EPHB1: variants seen among roughly 807,000 people sequenced by gnomAD.
EPHB1 encodes the protein EPH receptor B1, also known as ephrin type-B receptor 1.
EPHB1 carries 30 observed loss-of-function variants against 94.4 expected under a neutral mutation model. That is an observed-to-expected ratio of 0.32 (90% confidence interval 0.24 to 0.43). The LOEUF (loss-of-function observed/expected upper bound fraction) is 0.43, where lower values mean the gene tolerates loss of function less well. Ranked by LOEUF, EPHB1 falls within the 20% of genes least tolerant of loss-of-function variation. The probability of loss-of-function intolerance (pLI) is 1.00; values close to 1 mark genes in which losing one functional copy is unlikely to be tolerated. For missense variants in EPHB1, 1,055 were observed against 1,308.3 expected (o/e 0.81, Z 2.99); for synonymous variants, 522 against 489.1 (o/e 1.07, Z -0.89).
At chr3:135,017,949 G>A (rs1384201154) in intron 3 of EPHB1, among the ~76,000 whole-genome samples, 1 of 152,110 alleles carries the variant, frequency 6.6e-6, no homozygotes, top group Non-Finnish European at 1.5e-5. Flanking sequence ...ACCTTTCACT[G>A]CAGCTGCTGT....
At chr3:135,005,929 C>A (rs544572440) in intron 3 of EPHB1, among the ~76,000 whole-genome samples, 6 of 152,204 alleles carry the variant, frequency 3.9e-5, no homozygotes, top group Non-Finnish European at 8.8e-5. Context: ...CTGTGTCGCT[C>A]AGGCTGGGAG....
In EPHB1 at chr3:134,820,383, G is replaced by T. The variant is rs762756695; in HGVS notation, c.58+24694G>T. 7.4e-4 allele frequency among the ~76,000 whole-genome samples: 112 copies of T among 152,320 alleles called. 1 individual carries two copies. The highest frequency in any genetic ancestry group is 1.7e-3 in the South Asian group (8 of 4,824). The stretch of plus-strand genomic sequence containing the variant: ...GCCCCTAAGGGAGGCCTCTCTACCA[G>T]AGGGCTCAGAAAATTCCTTCCTCCC... On this transcript the variant is annotated intron_variant, in intron 1 of 15. Transcript: ENST00000398015.
intron 12 of EPHB1, among the ~76,000 whole-genome samples, chr3:135,203,205 C>A (rs1162168820): frequency 6.6e-6 from 1 of 152,062 alleles, no homozygotes; most frequent in Non-Finnish European, 1.5e-5. Context: ...CACACATGGA[C>A]ACATGTGACA....
intron 12 of EPHB1, among the ~76,000 whole-genome samples, chr3:135,239,529 C>G (rs1416185464): frequency 3.3e-5 from 5 of 152,030 alleles, no homozygotes; most frequent in Admixed American, 1.3e-4. Context: ...AGAGACAGAG[C>G]CTAAGCATGG....
chr3:134,809,776 C>A (rs920988362), intron 1 of EPHB1, among the ~76,000 whole-genome samples: 1 of 152,202 alleles, frequency 6.6e-6, no homozygotes, highest in Non-Finnish European at 1.5e-5. Flanking sequence ...GAGCAACCCT[C>A]GCACTGAAAT....
At chr3:134,821,257 T>C (rs1022544808) in intron 1 of EPHB1, among the ~76,000 whole-genome samples, 4 of 152,202 alleles carry the variant, frequency 2.6e-5, no homozygotes, top group Non-Finnish European at 4.4e-5. Context: ...AGTCCATTCA[T>C]TGAAATGTTA....
At chr3:135,142,797 C>T (rs971858911) in intron 5 of EPHB1, among the ~76,000 whole-genome samples, 1 of 152,050 alleles carries the variant, frequency 6.6e-6, no homozygotes, top group African/African-American at 2.4e-5. Context: ...GGGCAAGGCT[C>T]AGGGTAGAGA....
Position 134,912,533 on chromosome 3 carries a change from CCT to C in EPHB1, c.59-13270_59-13269del, listed in dbSNP as rs949709686. Among the ~76,000 whole-genome samples, 4 of 151,432 alleles carry C rather than the reference CCT, an allele frequency of 2.6e-5. No homozygotes were observed. The South Asian group carries it at 6.2e-4, about 24-fold the overall frequency. On this transcript the variant is annotated intron_variant, in intron 1 of 15. Coordinates refer to ENST00000398015, the MANE Select transcript of EPHB1 (RefSeq NM_004441.5). ...TGGTTCTTTCCTTTCCTGGCCTCTG[CCT>C]CTCTCTCTCTCTTTGCTGCTGGATT... is the stretch of plus-strand genomic sequence containing the variant.
chr3:134,795,623 C>G lies in EPHB1; in HGVS notation c.-9C>G. The G allele has an allele frequency of 1.2e-6, 2 of 1,603,240 alleles. No individual in the cohort carries two copies. The highest frequency in any genetic ancestry group is 2.2e-5 in the South Asian group (2 of 90,352). Reference sequence around the variant, plus strand: ...GGCTTGGTCTCGGCCTGCGGGCCGTCGGCCGGCGATGGCCCTGGATTATCT... The same window carrying G: ...GGCTTGGTCTCGGCCTGCGGGCCGTGGGCCGGCGATGGCCCTGGATTATCT... On this transcript the variant is annotated 5_prime_UTR_variant, in exon 1 of 16. Transcript: ENST00000398015.
intron 12 of EPHB1, among the ~76,000 whole-genome samples, chr3:135,225,425 C>G (rs1218168925): frequency 6.6e-6 from 1 of 152,202 alleles, no homozygotes; most frequent in Non-Finnish European, 1.5e-5. Flanking sequence ...TCTGAGCCAT[C>G]TGAGTTCCTG....
At chr3:135,200,079 C>G (rs150055937) in intron 11 of EPHB1, among the ~76,000 whole-genome samples, 1 of 152,272 alleles carries the variant, frequency 6.6e-6, no homozygotes, top group East Asian at 1.9e-4. Flanking sequence ...CTCCTCCAGT[C>G]AGAGCATTCT....
intron 1 of EPHB1, among the ~76,000 whole-genome samples, chr3:134,796,716 T>C (rs1578091193): frequency 6.6e-6 from 1 of 151,764 alleles, no homozygotes; most frequent in Non-Finnish European, 1.5e-5. Context: ...GAGAGCGGAG[T>C]TGGAGTTGTC....
At chr3:134,820,259 C>T (rs1001113888) in intron 1 of EPHB1, among the ~76,000 whole-genome samples, 2 of 152,246 alleles carry the variant, frequency 1.3e-5, no homozygotes, top group Non-Finnish European at 2.9e-5. Flanking sequence ...GAGGGAGCCT[C>T]CATGTCTGGG....
At chr3:135,187,755 C>T (rs115194349) in intron 10 of EPHB1, among the ~76,000 whole-genome samples, 2,411 of 152,270 alleles carry the variant, frequency 0.016, 25 homozygotes, top group Middle Eastern at 0.034. Context: ...GGAAACTTCA[C>T]CATGTCCCCT....
chr3:135,148,351 G>C (rs1941082961), intron 5 of EPHB1, among the ~76,000 whole-genome samples: 1 of 152,204 alleles, frequency 6.6e-6, no homozygotes, highest in Admixed American at 6.5e-5. Flanking sequence ...ACGTGAACCT[G>C]TGATATGACA....
intron 7 of EPHB1, among the ~76,000 whole-genome samples, chr3:135,165,454 C>T (rs542224732): frequency 1.4e-4 from 22 of 152,328 alleles, no homozygotes; most frequent in Non-Finnish European, 3.1e-4. Flanking sequence ...ACTCAGAGTG[C>T]TGGGCCATTC....
chr3:135,231,589 T>C (rs940750393), intron 12 of EPHB1, among the ~76,000 whole-genome samples: 1 of 152,218 alleles, frequency 6.6e-6, no homozygotes, highest in East Asian at 1.9e-4. Flanking sequence ...CCCCACCCGA[T>C]TGTAAATCTT....
chr3:135,100,957 G>C (rs1189133287), intron 3 of EPHB1, among the ~76,000 whole-genome samples: 4 of 152,100 alleles, frequency 2.6e-5, no homozygotes, highest in Admixed American at 2.6e-4. Flanking sequence ...TGGTGAGGTC[G>C]GGGAGAGGGG....
intron 3 of EPHB1, among the ~76,000 whole-genome samples, chr3:134,997,346 C>T (rs1324981028): frequency 6.6e-6 from 1 of 152,230 alleles, no homozygotes; most frequent in East Asian, 1.9e-4. Flanking sequence ...GGGTCTCCTT[C>T]TGGTGATTTT....
Sources: gnomAD v4.1 joint callset for allele counts (sites outside exome capture counted in the v4.1 genomes callset) on GRCh38, gnomAD v4.1.1 for gene constraint, MANE v1.5 for transcripts, NCBI Gene and HGNC (gene_info 2026-07-23, HGNC 2026-07-21) for gene names.